Variants in EPC1 observed in about 807,000 individuals in gnomAD.
EPC1 encodes the protein enhancer of polycomb 1.
A neutral mutation model predicts 98.4 loss-of-function variants in EPC1; 12 were observed. That is an observed-to-expected ratio of 0.12 (90% confidence interval 0.08 to 0.20). The LOEUF (loss-of-function observed/expected upper bound fraction) is 0.20, where lower values mean the gene tolerates loss of function less well. EPC1 is among the 10% of genes least tolerant of loss of function. The pLI, the probability that EPC1 is intolerant of heterozygous loss-of-function variation, is 1.00. For missense variants in EPC1, 729 were observed against 990.5 expected (o/e 0.74, Z 3.54); for synonymous variants, 357 against 363.9 (o/e 0.98, Z 0.21).
chr10:32,307,865 T>C (rs934581601), intron 1 of EPC1, among the ~76,000 whole-genome samples: 1 of 152,220 alleles, frequency 6.6e-6, no homozygotes, highest in Non-Finnish European at 1.5e-5. Flanking sequence ...ACGTGATTCA[T>C]AGTTTGCTTT....
At chr10:32,290,451 A>C (rs1393069538) in intron 6 of EPC1, among the ~76,000 whole-genome samples, 4 of 129,462 alleles carry the variant, frequency 3.1e-5, no homozygotes, top group African/African-American at 1.2e-4. Context: ...CGGCCACTGC[A>C]CTCCAGCCCG....
At chr10:32,343,694 T>TA (rs1554824214) in intron 1 of EPC1, among the ~76,000 whole-genome samples, 2 of 142,784 alleles carry the variant, frequency 1.4e-5, no homozygotes, top group African/African-American at 5.2e-5. Context: ...CAAATTATTT[T>TA]GGGGGGGGGG....
chr10:32,300,725 C>T lies in EPC1; in HGVS notation c.313+5047G>A, dbSNP rs138544218. ...CTGGGATTACAAGTGTGAGCCACCG[C>T]GTCCCGCCGATTTTTACTTTTTCAA... On this transcript the variant is annotated intron_variant, in intron 2 of 13. Coordinates refer to ENST00000319778, the MANE Select transcript of EPC1 (RefSeq NM_001272004.3). 8.2e-4 allele frequency among the ~76,000 whole-genome samples: 124 copies of T among 151,920 alleles called. 1 individual carries two copies. The East Asian group carries it at 0.022, about 26-fold the overall frequency.
At chr10:32,360,683 C>T (rs190243495) in intron 1 of EPC1, among the ~76,000 whole-genome samples, 9 of 152,180 alleles carry the variant, frequency 5.9e-5, no homozygotes, top group Non-Finnish European at 8.8e-5. Context: ...CACCTGAGGC[C>T]GGAAGTTCGA....
intron 1 of EPC1, among the ~76,000 whole-genome samples, chr10:32,355,279 C>A (rs1839238250): frequency 1.3e-5 from 2 of 152,188 alleles, no homozygotes; most frequent in African/African-American, 2.4e-5. Context: ...GATGCGTGAA[C>A]AGGAAACTGT....
chr10:32,271,635 G>A lies in EPC1; in HGVS notation c.2288C>T (p.Ser763Leu). 1 of 1,614,192 alleles carries A rather than the reference G, an allele frequency of 6.2e-7. No individual in the cohort carries two copies. Among genetic ancestry groups the A allele is most frequent in the Non-Finnish European group, 8.5e-7 (1 of 1,180,022 alleles). ...HIPRTLSAVPSSALKLAAAAN... is the reference protein window; with the variant it reads ...HIPRTLSAVPLSALKLAAAAN... The stretch of plus-strand genomic sequence containing the variant: ...TGCAGCGGCCAGCTTTAAGGCAGAT[G>A]ATGGAACAGCACTTAAAGTCCTAGG... The change falls in exon 13 of 14, where the codon TCA becomes TTA. Residue 763 changes from serine (S) to leucine (L), a missense_variant. This residue lies in a region of EPC1 where 156 missense variants were observed against 188.9 expected (regional missense o/e 0.83). Coordinates refer to ENST00000319778, the MANE Select transcript of EPC1 (RefSeq NM_001272004.3).
At chr10:32,321,510 C>A (rs903577125) in intron 1 of EPC1, among the ~76,000 whole-genome samples, 3 of 152,016 alleles carry the variant, frequency 2.0e-5, no homozygotes, top group Admixed American at 1.3e-4. Flanking sequence ...AACCACCACA[C>A]CCCGCTTAGA....
At chr10:32,343,695 G>GC (rs1554824218) in intron 1 of EPC1, among the ~76,000 whole-genome samples, 2 of 1,042 alleles carry the variant, frequency 1.9e-3, no homozygotes, top group South Asian at 0.05. Context: ...AAATTATTTT[G>GC]GGGGGGGGGT....
intron 1 of EPC1, among the ~76,000 whole-genome samples, chr10:32,370,681 A>G (rs547852374): frequency 6.6e-5 from 10 of 152,316 alleles, no homozygotes; most frequent in African/African-American, 2.4e-4. Flanking sequence ...AATGTGCCAT[A>G]AATCTGTGCT....
chr10:32,274,751 CTAAA>C (rs1418208379), intron 10 of EPC1, among the ~76,000 whole-genome samples: 2 of 151,994 alleles, frequency 1.3e-5, no homozygotes, highest in East Asian at 3.9e-4. Context: ...AGAATGCTCC[CTAAA>C]TATTGACATA....
chr10:32,301,200 G>A (rs901063350), intron 2 of EPC1, among the ~76,000 whole-genome samples: 20 of 152,016 alleles, frequency 1.3e-4, no homozygotes, highest in Admixed American at 6.6e-4. Context: ...AGTATTAAGC[G>A]GAGAGCCAGG....
At chr10:32,359,329 T>C (rs939172760) in intron 1 of EPC1, among the ~76,000 whole-genome samples, 7 of 152,246 alleles carry the variant, frequency 4.6e-5, no homozygotes, top group Non-Finnish European at 1.0e-4. Context: ...TTCTGGCAGG[T>C]ACTAGAATTG....
At chr10:32,323,565 A>C (rs1285484198) in intron 1 of EPC1, among the ~76,000 whole-genome samples, 1 of 152,230 alleles carries the variant, frequency 6.6e-6, no homozygotes, top group Non-Finnish European at 1.5e-5. Context: ...AAAAGATATG[A>C]TACTATTCAA....
chr10:32,347,101 C>A lies in EPC1; in HGVS notation c.-186G>T. The A allele has an allele frequency of 6.9e-7, 1 of 1,440,844 alleles. No homozygotes were observed. The highest frequency in any genetic ancestry group is 9.1e-7 in the Non-Finnish European group (1 of 1,103,400). 89.3% of individuals were successfully genotyped at this position (1,440,844 alleles called of 1,614,324 possible). ...GGAGGCTGTGCCGCTCCGCTCCTCT[C>A]TCGCTCGCTCTCTTCAATACGCCAT... On this transcript the variant is annotated 5_prime_UTR_variant, in exon 1 of 14. Transcript: ENST00000319778.
intron 1 of EPC1, among the ~76,000 whole-genome samples, chr10:32,343,367 C>T (rs1165204895): frequency 6.6e-6 from 1 of 152,130 alleles, no homozygotes; most frequent in Non-Finnish European, 1.5e-5. Context: ...GCTGCCACCA[C>T]GGCTGGCTAA....
chr10:32,320,225 G>A (rs1489254345), intron 1 of EPC1, among the ~76,000 whole-genome samples: 1 of 151,206 alleles, frequency 6.6e-6, no homozygotes, highest in African/African-American at 2.4e-5. Context: ...AGAGCAAAAG[G>A]ACTTTTTTTT....
intron 1 of EPC1, among the ~76,000 whole-genome samples, chr10:32,343,913 T>C (rs1297084661): frequency 6.6e-6 from 1 of 152,216 alleles, no homozygotes; most frequent in African/African-American, 2.4e-5. Flanking sequence ...GCAGATTATT[T>C]TGATCAATAA....
chr10:32,324,721 C>T (rs907078937), intron 1 of EPC1, among the ~76,000 whole-genome samples: 3 of 151,660 alleles, frequency 2.0e-5, no homozygotes, highest in Non-Finnish European at 4.4e-5. Flanking sequence ...TAGCCGGGCG[C>T]GGTGGCTCAA....
At chr10:32,300,780 G>A (rs528660913) in intron 2 of EPC1, among the ~76,000 whole-genome samples, 1 of 152,010 alleles carries the variant, frequency 6.6e-6, no homozygotes, top group East Asian at 1.9e-4. Context: ...TTTTATTGTT[G>A]TGCGAACTGT....
Sources: gnomAD v4.1 joint callset for allele counts (sites outside exome capture counted in the v4.1 genomes callset) on GRCh38, gnomAD v4.1.1 for gene constraint, gnomAD v4.1.1 regional missense constraint, MANE v1.5 for transcripts, NCBI Gene and HGNC (gene_info 2026-07-23, HGNC 2026-07-21) for gene names.